BCL11B: variants seen among roughly 807,000 people sequenced by gnomAD.
BCL11B encodes BCL11 transcription factor B.
Under a neutral mutation model 49.9 loss-of-function variants are expected in BCL11B, and 8 were observed. The observed-to-expected ratio is 0.16, with a 90% CI of 0.09 to 0.29. BCL11B has a LOEUF of 0.29. BCL11B is among the 10% of genes least tolerant of loss of function. The probability of loss-of-function intolerance (pLI) is 1.00; values close to 1 mark genes in which losing one functional copy is unlikely to be tolerated. For missense variants in BCL11B, 1,006 were observed against 1,351.0 expected (o/e 0.74, Z 4.00); for synonymous variants, 739 against 637.4 (o/e 1.16, Z -2.40).
intron 1 of BCL11B, chr14:99,264,397 T>C: frequency 6.6e-6 from 1 of 152,222 alleles, no homozygotes. Context: ...CGTGTTGTTT[T>C]AGTAGAAAAC....
Position 99,174,473 on chromosome 14 carries a change from C to T in BCL11B, c.2363G>A (p.Ser788Asn). Reference sequence around the variant, plus strand: ...GTCGCTGCGGCGGCCCTCCTTGGAGCTGGGCCGCCCGGGGCCCGGGCCGCC... The same window carrying T: ...GTCGCTGCGGCGGCCCTCCTTGGAGTTGGGCCGCCCGGGGCCCGGGCCGCC... Reference protein sequence around the residue: ...HLGGPGPGRPSSKEGRRSDTC... With the variant: ...HLGGPGPGRPNSKEGRRSDTC... Residue 788 changes from serine (S) to asparagine (N), a missense_variant, in exon 4 of 4, where the codon AGC becomes AAC. Physicochemically the swap from Ser to Asn is conservative, Grantham distance 46. This residue lies in a region of BCL11B where 443 missense variants were observed against 499.7 expected (regional missense o/e 0.89). Coordinates refer to ENST00000357195, the MANE Select transcript of BCL11B (RefSeq NM_138576.4). The T allele has an allele frequency of 1.9e-6, 3 of 1,595,072 alleles. No individual in the cohort carries two copies. The highest frequency in any genetic ancestry group is 2.6e-6 in the Non-Finnish European group (3 of 1,172,500).
At chr14:99,246,403 G>T (rs1888838996) in intron 2 of BCL11B, among the ~76,000 whole-genome samples, 1 of 152,234 alleles carries the variant, frequency 6.6e-6, no homozygotes, top group Non-Finnish European at 1.5e-5. Flanking sequence ...GGAGGTGGAC[G>T]ATGGGCGCAA....
rs1886241979 is a variant in BCL11B at position 99,170,191 on chromosome 14, C to T, written c.*3960G>A. The T allele has an allele frequency of 4.5e-6, 1 of 222,708 alleles. No homozygotes were observed. The highest frequency in any genetic ancestry group is 2.2e-5 in the African/African-American group (1 of 44,702). The allele number at this position is 222,708 out of a possible 1,614,324, so 13.8% of individuals were successfully genotyped here. A position where few individuals can be genotyped will look rare whatever the true frequency, so the allele number is the denominator to read the frequency against. ...TGGGGCATCCAAAGGCAACAGCAGC[C>T]CCTGGATCTGCAGGTAGGAAACTGC... On this transcript the variant is annotated 3_prime_UTR_variant, in exon 4 of 4. Transcript: ENST00000357195.
Position 99,205,504 on chromosome 14 carries a change from G to A in BCL11B, c.640+25841C>T, listed in dbSNP as rs2139830065. On this transcript the variant is annotated intron_variant, in intron 3 of 3. Transcript: ENST00000357195. This position sits in a 1 kb window ranked among gnomAD's most constrained non-coding sequence, Gnocchi z 5.0. ...CGCTACACCAGCATGCCAGGAAAGG[G>A]GAGGAGCGACGTGAGGACCTCCTGT... 6.6e-6 allele frequency among the ~76,000 whole-genome samples: 1 copy of A among 152,296 alleles called. No individual in the cohort carries two copies. Among genetic ancestry groups the A allele is most frequent in the East Asian group, 1.9e-4 (1 of 5,164 alleles).
rs538947920 is a variant in BCL11B, at chr14:99,216,923, C to T, written c.640+14422G>A. On this transcript the variant is annotated intron_variant, in intron 3 of 3. Transcript: ENST00000357195. ...ACTCAGACATATACATATGTACTCA[C>T]ATGCACAAATATCCACATGTGTACA... 3.3e-5 allele frequency among the ~76,000 whole-genome samples: 5 copies of T among 151,944 alleles called. No individual in the cohort carries two copies. In the South Asian group the frequency reaches 1.0e-3, roughly 31 times the overall value.
chr14:99,171,330 A>G lies in BCL11B; in HGVS notation c.*2821T>C. ...CAAACAACCCTTTTTCTCCTGTACA[A>G]TAGGACTTAACATACAAATGTGTTT... On this transcript the variant is annotated 3_prime_UTR_variant, in exon 4 of 4. Transcript: ENST00000357195. 1 of 223,884 alleles carries G rather than the reference A, an allele frequency of 4.5e-6. No homozygotes were observed. The allele number at this position is 223,884 out of a possible 1,614,324, so 13.9% of individuals were successfully genotyped here.
In BCL11B at chr14:99,171,411, G is replaced by A. The variant is rs939923480; in HGVS notation, c.*2740C>T. The A allele has an allele frequency of 8.6e-5, 18 of 210,424 alleles. No homozygotes were observed. The highest frequency in any genetic ancestry group is 1.9e-5 in the Non-Finnish European group (2 of 104,446). 13.0% of individuals were successfully genotyped at this position (210,424 alleles called of 1,614,324 possible). On this transcript the variant is annotated 3_prime_UTR_variant, in exon 4 of 4. Transcript: ENST00000357195. ...AAAAATATATTATGGCAGCCTGTTT[G>A]TTTTTGTTTTTTTTTTCTTTTTATT... is the stretch of plus-strand genomic sequence containing the variant.
intron 2 of BCL11B, among the ~76,000 whole-genome samples, chr14:99,255,437 AG>A (rs1211679916): frequency 3.1e-5 from 3 of 97,452 alleles, no homozygotes; most frequent in African/African-American, 1.2e-4. Context: ...AAAAAAAAAC[AG>A]GGGGGCCAGG....
intron 3 of BCL11B, among the ~76,000 whole-genome samples, chr14:99,217,393 C>CACACATACAGACACACACACACACACAG (rs148995343): frequency 6.7e-6 from 1 of 149,502 alleles, no homozygotes; most frequent in Non-Finnish European, 1.5e-5. Flanking sequence ...CAGACACACA[C>CACACATACAGACACACACACACACACAG]ACACACACAC....
In BCL11B at chr14:99,175,157, G is replaced by T; in HGVS notation, c.1679C>A (p.Ser560Ter). 1 of 1,593,604 alleles carries T rather than the reference G, an allele frequency of 6.3e-7. No individual in the cohort carries two copies. ...SRPESSFSMD[S>*]ELSRNRENGG... The stretch of plus-strand genomic sequence containing the variant: ...GTTCTCGCGGTTGCGGCTCAGCTCC[G>T]AGTCCATGCTGAAGCTCGACTCGGG... Residue 560 changes from serine to a stop codon, truncating the protein, a stop_gained, in exon 4 of 4, where the codon TCG (serine) becomes TAG (stop). Coordinates refer to ENST00000357195, the MANE Select transcript of BCL11B (RefSeq NM_138576.4). LOFTEE classifies it high-confidence loss of function.
At chr14:99,229,290 C>T (rs1336582913) in intron 3 of BCL11B, among the ~76,000 whole-genome samples, 4 of 152,212 alleles carry the variant, frequency 2.6e-5, no homozygotes, top group Non-Finnish European at 1.5e-5. Context: ...CAGCACAATG[C>T]AGCACATAGC....
intron 3 of BCL11B, among the ~76,000 whole-genome samples, chr14:99,185,372 G>T (rs1323261702): frequency 6.6e-6 from 1 of 151,842 alleles, no homozygotes; most frequent in African/African-American, 2.4e-5. Context: ...AGGAGGCGGA[G>T]GTTGCGGTGA....
chr14:99,207,550 T>C (rs1298122687), intron 3 of BCL11B, among the ~76,000 whole-genome samples: 6 of 152,188 alleles, frequency 3.9e-5, no homozygotes, highest in Non-Finnish European at 1.5e-5. Context: ...CTCATTGACC[T>C]CCTGTGCACC....
Position 99,257,746 on chromosome 14 carries a change from G to A in BCL11B, c.152C>T (p.Pro51Leu), listed in dbSNP as rs1889213308. 1 of 1,608,360 alleles carries A rather than the reference G, an allele frequency of 6.2e-7. No individual in the cohort carries two copies. Among genetic ancestry groups the A allele is most frequent in the Non-Finnish European group, 8.5e-7 (1 of 1,176,256 alleles). ...GCCACAGGTGAGCAGGTCAGGGTCG[G>A]GGCCACCCACCATCAGCCCCAGGCC... ...PSGLGLMVGG[P>L]DPDLLTCGQC... The change falls in exon 2 of 4, where the codon CCC (proline) becomes CTC (leucine). Residue 51 changes from proline (P) to leucine (L), a missense_variant. Pro to Leu is a moderately conservative substitution (Grantham distance 98). Coordinates refer to ENST00000357195, the MANE Select transcript of BCL11B (RefSeq NM_138576.4). The surrounding 1 kb of genome is among the most constrained non-coding windows in gnomAD (Gnocchi z 6.2).
At position 99,184,813 on chromosome 14, in the gene BCL11B, C is replaced by T. The variant is rs977294679; in HGVS notation, c.641-8618G>A. ...GGCTGCACACAGCGAGAAAACCTCGCTCACCCCATAGTGTTGGGTGACCGT... is the reference window on the plus strand; with the variant it reads ...GGCTGCACACAGCGAGAAAACCTCGTTCACCCCATAGTGTTGGGTGACCGT... On this transcript the variant is annotated intron_variant, in intron 3 of 3. Transcript: ENST00000357195. This position sits in a 1 kb window ranked among gnomAD's most constrained non-coding sequence, Gnocchi z 6.1. Among the ~76,000 whole-genome samples, 2 of 152,220 alleles carry T rather than the reference C, an allele frequency of 1.3e-5. No homozygotes were observed. Among genetic ancestry groups the T allele is most frequent in the Non-Finnish European group, 2.9e-5 (2 of 68,042 alleles).
chr14:99,226,415 C>A (rs751204394), intron 3 of BCL11B, among the ~76,000 whole-genome samples: 3 of 152,168 alleles, frequency 2.0e-5, no homozygotes, highest in Non-Finnish European at 4.4e-5. Context: ...CGATCTAACA[C>A]CCTCCTGGAG....
intron 3 of BCL11B, among the ~76,000 whole-genome samples, chr14:99,218,620 G>C (rs1488258108): frequency 6.6e-6 from 1 of 152,210 alleles, no homozygotes; most frequent in African/African-American, 2.4e-5. Flanking sequence ...GGAATCCCCT[G>C]TAAGTGCCTG....
At chr14:99,226,134 T>C (rs1392929305) in intron 3 of BCL11B, among the ~76,000 whole-genome samples, 1 of 152,234 alleles carries the variant, frequency 6.6e-6, no homozygotes, top group Non-Finnish European at 1.5e-5. Flanking sequence ...TTGGGCGATG[T>C]AGACATTGCA....
At position 99,174,504 on chromosome 14, in the gene BCL11B, G is replaced by A; in HGVS notation, c.2332C>T (p.His778Tyr). Reference protein sequence around the residue: ...SGTASGGSTPHLGGPGPGRPS... With the variant: ...SGTASGGSTPYLGGPGPGRPS... ...CGCCCGGGGCCCGGGCCGCCCAGGT[G>A]CGGGGTGCTGCCTCCGCTGGCCGTG... is the stretch of plus-strand genomic sequence containing the variant. The change falls in exon 4 of 4, where the codon CAC (histidine) becomes TAC (tyrosine). Residue 778 changes from histidine to tyrosine, a missense_variant. His to Tyr is a moderately conservative substitution (Grantham distance 83). Transcript: ENST00000357195. 2 of 1,543,278 alleles carry A rather than the reference G, an allele frequency of 1.3e-6. No homozygotes were observed. The highest frequency in any genetic ancestry group is 1.7e-6 in the Non-Finnish European group (2 of 1,146,502).
Sources: allele counts gnomAD v4.1 joint callset (sites outside exome capture counted in the v4.1 genomes callset), GRCh38; gene constraint gnomAD v4.1.1; regional missense constraint gnomAD v4.1.1; non-coding constraint Gnocchi (gnomAD v3.1); transcripts MANE v1.5; gene names NCBI Gene and HGNC (gene_info 2026-07-23, HGNC 2026-07-21).